Variants in EIF1 observed in about 807,000 individuals in gnomAD.
EIF1 encodes the protein protein translation factor SUI1 homolog.
In EIF1, 4 loss-of-function variants were observed where a neutral mutation model predicts 13.7. The observed-to-expected ratio is 0.29, with a 90% CI of 0.14 to 0.67. The LOEUF is 0.67. EIF1 is among the 30% of genes least tolerant of loss of function. The pLI is 0.77. For synonymous variants in EIF1, 67 were observed against 50.7 expected (o/e 1.32, Z -1.37); for missense variants, 64 against 138.0 (o/e 0.46, Z 2.69).
intron 1 of EIF1, chr17:41,689,276 C>T: frequency 6.4e-6 from 4 of 625,706 alleles, no homozygotes; most frequent in Middle Eastern, 3.4e-4. Context: ...GTAGGTCAGC[C>T]CTTGGGCGGG....
Position 41,688,991 on chromosome 17 carries a change from C to T in EIF1, c.-48C>T. 6.2e-7 allele frequency: 1 copy of T among 1,608,554 alleles called. No individual in the cohort carries two copies. The highest frequency in any genetic ancestry group is 1.3e-5 in the African/African-American group (1 of 74,972). Reference sequence around the variant, plus strand: ...GCCCGCCTTCTCCCGCCACCGCCGCCGCCGCCTTCCGCAGGCCGTTTCCAC... The same window carrying T: ...GCCCGCCTTCTCCCGCCACCGCCGCTGCCGCCTTCCGCAGGCCGTTTCCAC... On this transcript the variant is annotated 5_prime_UTR_variant, in exon 1 of 4. Coordinates refer to ENST00000469257, the MANE Select transcript of EIF1 (RefSeq NM_005801.4).
At chr17:41,689,527 G>C (rs892184829) in intron 1 of EIF1, 2 of 483,106 alleles carry the variant, frequency 4.1e-6, no homozygotes, top group African/African-American at 2.0e-5. Flanking sequence ...CCGCCTGGCA[G>C]CCCGGACTCC....
At chr17:41,689,668 C>A in intron 1 of EIF1, 110 bp from the exon 2 acceptor site, 1 of 1,170,948 alleles carries the variant, frequency 8.5e-7, no homozygotes. Flanking sequence ...GGCCCAAGCC[C>A]TGACGATTTC....
At chr17:41,689,728 G>C in intron 1 of EIF1, 50 bp from the exon 2 acceptor site, 3 of 1,524,876 alleles carry the variant, frequency 2.0e-6, no homozygotes, top group Non-Finnish European at 2.6e-6. Flanking sequence ...GGGGATGGCA[G>C]TGGCATCCTA....
rs1597719616 is a variant in EIF1 at position 41,692,261 on chromosome 17, G to A, written c.*1435G>A. Reference sequence around the variant, plus strand: ...CAAGGGCTATAACAAGGGCATTCATGCTGTGGGTTAAGATCCACAAATCGC... The same window carrying A: ...CAAGGGCTATAACAAGGGCATTCATACTGTGGGTTAAGATCCACAAATCGC... On this transcript the variant is annotated 3_prime_UTR_variant, in exon 4 of 4. Coordinates refer to ENST00000469257, the MANE Select transcript of EIF1 (RefSeq NM_005801.4). The A allele has an allele frequency of 6.6e-6, 1 of 152,364 alleles. No individual in the cohort carries two copies. The highest frequency in any genetic ancestry group is 1.9e-4 in the East Asian group (1 of 5,190). 9.4% of individuals were successfully genotyped at this position (152,364 alleles called of 1,614,324 possible). A position where few individuals can be genotyped will look rare whatever the true frequency, so the allele number is the denominator to read the frequency against.
At position 41,688,982 on chromosome 17, in the gene EIF1, C is replaced by T; in HGVS notation, c.-57C>T. The T allele has an allele frequency of 1.9e-6, 3 of 1,584,450 alleles. No individual in the cohort carries two copies. Among genetic ancestry groups the T allele is most frequent in the African/African-American group, 1.6e-5 (1 of 62,144 alleles). ...TTCCCCCCTGCCCGCCTTCTCCCGC[C>T]ACCGCCGCCGCCGCCTTCCGCAGGC... On this transcript the variant is annotated 5_prime_UTR_variant, in exon 1 of 4. Transcript: ENST00000469257.
rs1910367601 is a variant in EIF1, at chr17:41,691,212, TGA to T, written c.*390_*391del. On this transcript the variant is annotated 3_prime_UTR_variant, in exon 4 of 4. Coordinates refer to ENST00000469257, the MANE Select transcript of EIF1 (RefSeq NM_005801.4). The stretch of plus-strand genomic sequence containing the variant: ...CCACCTGAACAGTCCTCGGTGAATC[TGA>T]GAGGAGAGGATGGGGTAAGGCAGAA... 2.6e-6 allele frequency: 1 copy of T among 388,214 alleles called. No homozygotes were observed. Among genetic ancestry groups the T allele is most frequent in the African/African-American group, 2.0e-5 (1 of 49,050 alleles). 24.0% of individuals were successfully genotyped at this position (388,214 alleles called of 1,614,324 possible).
At chr17:41,690,040 G>T (rs1567766717) in intron 2 of EIF1, 48 bp from the exon 3 acceptor site, 1 of 1,610,138 alleles carries the variant, frequency 6.2e-7, no homozygotes, top group Non-Finnish European at 8.5e-7. Flanking sequence ...GGTGATAAAT[G>T]CGTTCATGCT....
intron 1 of EIF1, 79 bp from the exon 2 acceptor site, chr17:41,689,698 GC>G: frequency 7.0e-7 from 1 of 1,425,212 alleles, no homozygotes; most frequent in Non-Finnish European, 9.4e-7. Context: ...TTCTGCACGC[GC>G]AAAACACCTG....
chr17:41,689,082 A>G lies in EIF1; in HGVS notation c.31+13A>G. 1 of 1,613,558 alleles carries G rather than the reference A, an allele frequency of 6.2e-7. No homozygotes were observed. Among genetic ancestry groups the G allele is most frequent in the Admixed American group, 1.7e-5 (1 of 60,030 alleles). On this transcript the variant is annotated intron_variant, in intron 1 of 3. Transcript: ENST00000469257. ...CTCCACTCTTTCGGTAAGCTATGGGAAAGGTCGCGGGCCCGGGTGGGGCAG... is the reference window on the plus strand; with the variant it reads ...CTCCACTCTTTCGGTAAGCTATGGGGAAGGTCGCGGGCCCGGGTGGGGCAG...
At chr17:41,689,353 G>T (rs1269211368) in intron 1 of EIF1, 7 of 562,408 alleles carry the variant, frequency 1.2e-5, no homozygotes, top group African/African-American at 9.5e-5. Flanking sequence ...CGCCCCTCCC[G>T]TCACCATTGC....
chr17:41,688,932 A>G lies in EIF1; in HGVS notation c.-107A>G. 3 of 1,158,762 alleles carry G rather than the reference A, an allele frequency of 2.6e-6. No homozygotes were observed. Among genetic ancestry groups the G allele is most frequent in the South Asian group, 1.3e-5 (1 of 77,390 alleles). The allele number at this position is 1,158,762 out of a possible 1,614,324, so 71.8% of individuals were successfully genotyped here. A position where few individuals can be genotyped will look rare whatever the true frequency, so the allele number is the denominator to read the frequency against. Reference sequence around the variant, plus strand: ...CGAGGATTCAGCAGCCTCCCCCTTGAGCCCCCTCGCTTCCCGACGTTCCGT... The same window carrying G: ...CGAGGATTCAGCAGCCTCCCCCTTGGGCCCCCTCGCTTCCCGACGTTCCGT... On this transcript the variant is annotated 5_prime_UTR_variant, in exon 1 of 4. Coordinates refer to ENST00000469257, the MANE Select transcript of EIF1 (RefSeq NM_005801.4).
In EIF1 at chr17:41,690,929, T is replaced by C. The variant is rs1910358839; in HGVS notation, c.*103T>C. ...TTTAAAAACCTCACAGCTTGTATAA[T>C]GTAACCATTTGGGGTCCGCTTTTAA... is the stretch of plus-strand genomic sequence containing the variant. On this transcript the variant is annotated 3_prime_UTR_variant, in exon 4 of 4. Coordinates refer to ENST00000469257, the MANE Select transcript of EIF1 (RefSeq NM_005801.4). 1 of 1,339,632 alleles carries C rather than the reference T, an allele frequency of 7.5e-7. No individual in the cohort carries two copies. The highest frequency in any genetic ancestry group is 1.1e-6 in the Non-Finnish European group (1 of 938,644). 83.0% of individuals were successfully genotyped at this position (1,339,632 alleles called of 1,614,324 possible).
chr17:41,690,120 T>C lies in EIF1; in HGVS notation c.228T>C (p.His76=). The part of the protein sequence containing the change: ...KFACNGTVIE[H]PEYGEVIQLQ... Reference sequence around the variant, plus strand: ...CCTGCAATGGTACTGTAATTGAGCATCCGGAATATGGAGAAGTAATTCAGC... The same window carrying C: ...CCTGCAATGGTACTGTAATTGAGCACCCGGAATATGGAGAAGTAATTCAGC... The change falls in exon 3 of 4, where the codon CAT becomes CAC. Residue 76 remains histidine (H), a synonymous_variant. Transcript: ENST00000469257. 2.5e-6 allele frequency: 4 copies of C among 1,614,182 alleles called. No homozygotes were observed. The highest frequency in any genetic ancestry group is 3.4e-6 in the Non-Finnish European group (4 of 1,180,028).
rs1464680619 is a variant in EIF1 at position 41,690,949 on chromosome 17, T to C, written c.*123T>C. 17 of 1,098,064 alleles carry C rather than the reference T, an allele frequency of 1.5e-5. No homozygotes were observed. The highest frequency in any genetic ancestry group is 2.3e-5 in the Non-Finnish European group (17 of 731,964). The allele number at this position is 1,098,064 out of a possible 1,614,324, so 68.0% of individuals were successfully genotyped here. ...TATAATGTAACCATTTGGGGTCCGC[T>C]TTTAACTTGGACTAGTGTAACTCCT... On this transcript the variant is annotated 3_prime_UTR_variant, in exon 4 of 4. Coordinates refer to ENST00000469257, the MANE Select transcript of EIF1 (RefSeq NM_005801.4).
intron 3 of EIF1, 67 bp from the exon 4 acceptor site, chr17:41,690,715 C>T: frequency 6.4e-7 from 1 of 1,563,374 alleles, no homozygotes. Flanking sequence ...AGGGTTGTTG[C>T]CATTAGAAAT....
In EIF1 at chr17:41,691,095, A is replaced by G; in HGVS notation, c.*269A>G. On this transcript the variant is annotated 3_prime_UTR_variant, in exon 4 of 4. Coordinates refer to ENST00000469257, the MANE Select transcript of EIF1 (RefSeq NM_005801.4). The stretch of plus-strand genomic sequence containing the variant: ...AAACCAAGCAATACCGTCATGTTTC[A>G]GCCAAGCCCAGAGCCCTAAGATTAC... 3.6e-6 allele frequency: 2 copies of G among 560,254 alleles called. No homozygotes were observed. Among genetic ancestry groups the G allele is most frequent in the East Asian group, 2.8e-5 (1 of 35,780 alleles). The allele number at this position is 560,254 out of a possible 1,614,324, so 34.7% of individuals were successfully genotyped here. A position where few individuals can be genotyped will look rare whatever the true frequency, so the allele number is the denominator to read the frequency against.
At position 41,690,857 on chromosome 17, in the gene EIF1, G is replaced by A; in HGVS notation, c.*31G>A. ...TGTGGCTCACTGAAGCTTAAGTGAG[G>A]ATTTCCTTGCAATGAGTAGAATTTC... is the stretch of plus-strand genomic sequence containing the variant. On this transcript the variant is annotated 3_prime_UTR_variant, in exon 4 of 4. Transcript: ENST00000469257. 1 of 1,610,562 alleles carries A rather than the reference G, an allele frequency of 6.2e-7. No individual in the cohort carries two copies. Among genetic ancestry groups the A allele is most frequent in the Non-Finnish European group, 8.5e-7 (1 of 1,177,750 alleles).
At chr17:41,689,558 C>A (rs1025533655) in intron 1 of EIF1, 8 of 507,954 alleles carry the variant, frequency 1.6e-5, no homozygotes, top group African/African-American at 2.0e-5. Flanking sequence ...GATCGGCTTC[C>A]CAGGGAGGGC....
Sources: allele counts gnomAD v4.1 joint callset, GRCh38; gene constraint gnomAD v4.1.1; transcripts MANE v1.5; gene names NCBI Gene and HGNC (gene_info 2026-07-23, HGNC 2026-07-21).